UGGT1: variants seen among roughly 807,000 people sequenced by gnomAD.
UGGT1 encodes UDP-glucose glycoprotein glucosyltransferase 1, also known as UDP-glucose:glycoprotein glucosyltransferase 1.
In UGGT1, 107 loss-of-function variants were observed where a neutral mutation model predicts 203.9. That is an observed-to-expected ratio of 0.52 (90% CI 0.45 to 0.62). UGGT1 has a LOEUF of 0.62. Ranked by LOEUF, UGGT1 falls within the 20% of genes least tolerant of loss-of-function variation. The probability of loss-of-function intolerance (pLI) is 0.00; values close to 1 mark genes in which losing one functional copy is unlikely to be tolerated. For missense variants in UGGT1, 1,673 were observed against 1,867.2 expected, an observed-to-expected ratio of 0.90 and a Z score of 1.92; for synonymous variants, 628 against 653.5, an observed-to-expected ratio of 0.96 and a Z score of 0.59.
intron 2 of UGGT1, among the ~76,000 whole-genome samples, chr2:128,100,236 C>T (rs1687313946): frequency 6.6e-6 from 1 of 152,000 alleles, no homozygotes; most frequent in Non-Finnish European, 1.5e-5. Flanking sequence ...GGGGTTTTAC[C>T]ATGTTGGCCG....
chr2:128,092,605 C>CTTTCTT (rs371694344), intron 1 of UGGT1, among the ~76,000 whole-genome samples: 6 of 126,732 alleles, frequency 4.7e-5, no homozygotes, highest in East Asian at 2.2e-4. Flanking sequence ...TTCTTTCTTT[C>CTTTCTT]TTTTTTTTTT....
intron 37 of UGGT1, among the ~76,000 whole-genome samples, chr2:128,182,817 A>G (rs1691770089): frequency 6.8e-6 from 1 of 146,488 alleles, no homozygotes; most frequent in South Asian, 2.1e-4. Context: ...ATCCTTCCAG[A>G]TTTTCTTAAT....
intron 8 of UGGT1, among the ~76,000 whole-genome samples, chr2:128,117,362 A>G (rs1688156111): frequency 6.6e-6 from 1 of 152,188 alleles, no homozygotes; most frequent in South Asian, 2.1e-4. Flanking sequence ...AGTGCTGGGA[A>G]TACAGGCGTG....
intron 18 of UGGT1, chr2:128,151,398 C>G (rs1042776621): frequency 2.6e-6 from 1 of 385,204 alleles, no homozygotes; most frequent in Non-Finnish European, 4.9e-6. Context: ...CCAAATTCCC[C>G]TCCTTGAACT....
intron 9 of UGGT1, among the ~76,000 whole-genome samples, 188 bp from the exon 10 acceptor site, chr2:128,121,011 A>G (rs897016189): frequency 1.2e-4 from 18 of 152,198 alleles, no homozygotes; most frequent in African/African-American, 3.6e-4. Context: ...AAACGGCTCA[A>G]CTGAATACTC....
intron 26 of UGGT1, among the ~76,000 whole-genome samples, chr2:128,168,899 T>C (rs1050035594): frequency 2.0e-5 from 3 of 151,210 alleles, no homozygotes; most frequent in African/African-American, 7.3e-5. Flanking sequence ...ATACACAAAT[T>C]AGCTGGGCAT....
At chr2:128,183,866 G>A (rs1691834573) in intron 38 of UGGT1, 77 bp downstream of exon 38, 2 of 1,118,544 alleles carry the variant, frequency 1.8e-6, no homozygotes, top group Non-Finnish European at 2.7e-6. Flanking sequence ...TATTACTTGT[G>A]TCTTCAGTCC....
At chr2:128,165,613 C>T (rs929454067) in intron 26 of UGGT1, among the ~76,000 whole-genome samples, 1 of 152,164 alleles carries the variant, frequency 6.6e-6, no homozygotes, top group Non-Finnish European at 1.5e-5. Context: ...AGGAGAATCG[C>T]TTGAACCCAG....
intron 3 of UGGT1, 30 bp downstream of exon 3, chr2:128,104,044 T>C: frequency 1.3e-6 from 2 of 1,493,792 alleles, no homozygotes; most frequent in Non-Finnish European, 1.8e-6. Flanking sequence ...TTCTTTGACT[T>C]TGGTGTCTGG....
In UGGT1 at chr2:128,176,809, CA is replaced by C; in HGVS notation, c.3540-2del. 1 of 1,613,226 alleles carries C rather than the reference CA, an allele frequency of 6.2e-7. No individual in the cohort carries two copies. ...TGTAATATTGATCTTTCTTTTCTCGCAAAGCCACGATGGCACTGATTCTCCC... is the reference window on the plus strand; with the variant it reads ...TGTAATATTGATCTTTCTTTTCTCGCAAGCCACGATGGCACTGATTCTCCC... On this transcript the variant is annotated splice_polypyrimidine_tract_variant and splice_region_variant and intron_variant, in intron 31 of 40. Coordinates refer to ENST00000259253, the MANE Select transcript of UGGT1 (RefSeq NM_020120.4).
At position 128,176,815 on chromosome 2, in the gene UGGT1, C is replaced by G; in HGVS notation, c.3541C>G (p.His1181Asp). ...ATTGATCTTTCTTTTCTCGCAAAGCCACGATGGCACTGATTCTCCCCCTGA... is the reference window on the plus strand; with the variant it reads ...ATTGATCTTTCTTTTCTCGCAAAGCGACGATGGCACTGATTCTCCCCCTGA... ...RSEDIYRIYS[H>D]DGTDSPPDAD... Residue 1181 changes from histidine to aspartate, a missense_variant and splice_region_variant, in exon 32 of 41, where the codon CAC (histidine) becomes GAC (aspartate). By Grantham distance (81) the His-to-Asp change is moderately conservative. Around this residue, in one of 4 missense-constraint regions of UGGT1, gnomAD observed 513 missense variants for 684.1 expected, o/e 0.75. Transcript: ENST00000259253. 1 of 1,613,666 alleles carries G rather than the reference C, an allele frequency of 6.2e-7. No individual in the cohort carries two copies. The highest frequency in any genetic ancestry group is 8.5e-7 in the Non-Finnish European group (1 of 1,179,882).
At chr2:128,165,298 G>C (rs1690732742) in intron 26 of UGGT1, among the ~76,000 whole-genome samples, 1 of 152,164 alleles carries the variant, frequency 6.6e-6, no homozygotes, top group African/African-American at 2.4e-5. Flanking sequence ...GGTGGCATGT[G>C]CATGTTGTCC....
Position 128,091,346 on chromosome 2 carries a change from C to T in UGGT1, c.-12C>T. On this transcript the variant is annotated 5_prime_UTR_variant, in exon 1 of 41. Transcript: ENST00000259253. Reference sequence around the variant, plus strand: ...GTCTCTGGCACTGTGGCGGACTGACCACGGCCCGGGCATGGGCTGCAAGGG... The same window carrying T: ...GTCTCTGGCACTGTGGCGGACTGACTACGGCCCGGGCATGGGCTGCAAGGG... The T allele has an allele frequency of 3.2e-6, 5 of 1,555,772 alleles. No homozygotes were observed. Among genetic ancestry groups the T allele is most frequent in the Non-Finnish European group, 3.5e-6 (4 of 1,150,108 alleles).
intron 8 of UGGT1, 32 bp from the exon 9 acceptor site, chr2:128,120,324 A>T (rs771807298): frequency 1.0e-5 from 16 of 1,589,580 alleles, no homozygotes; most frequent in Non-Finnish European, 1.4e-5. Flanking sequence ...AGAAAAAATA[A>T]TGAAAAGGAC....
chr2:128,133,953 A>G (rs965990227), intron 14 of UGGT1, among the ~76,000 whole-genome samples: 14 of 152,094 alleles, frequency 9.2e-5, no homozygotes, highest in Non-Finnish European at 1.9e-4. Context: ...GGAAAGAGAT[A>G]GTGGTAGGGT....
At chr2:128,118,638 C>G (rs1034112565) in intron 8 of UGGT1, among the ~76,000 whole-genome samples, 2 of 152,154 alleles carry the variant, frequency 1.3e-5, no homozygotes, top group African/African-American at 4.8e-5. Flanking sequence ...GCATTCACAG[C>G]ACAAAGGTAT....
rs370296445 is a variant in UGGT1, at chr2:128,091,267, C to G, written c.-91C>G. On this transcript the variant is annotated 5_prime_UTR_variant, in exon 1 of 41. Transcript: ENST00000259253. Reference sequence around the variant, plus strand: ...GCGGGAAAGGCGCGTGTCGGCCTCTCACTGGCGCAGCCTGCACTGCCGCTG... The same window carrying G: ...GCGGGAAAGGCGCGTGTCGGCCTCTGACTGGCGCAGCCTGCACTGCCGCTG... The G allele has an allele frequency of 7.4e-7, 1 of 1,348,122 alleles. No homozygotes were observed. Among genetic ancestry groups the G allele is most frequent in the East Asian group, 2.9e-5 (1 of 34,666 alleles). 83.5% of individuals were successfully genotyped at this position (1,348,122 alleles called of 1,614,324 possible).
intron 33 of UGGT1, 56 bp from the exon 34 acceptor site, chr2:128,178,412 G>A (rs1691507265): frequency 7.1e-7 from 1 of 1,413,466 alleles, no homozygotes; most frequent in South Asian, 1.3e-5. Flanking sequence ...ACTTTCAAAG[G>A]CCGTGTGTCT....
chr2:128,111,980 A>G (rs571277554), intron 5 of UGGT1, among the ~76,000 whole-genome samples: 41 of 151,376 alleles, frequency 2.7e-4, no homozygotes, highest in South Asian at 2.1e-4. Flanking sequence ...TCTACAAAAT[A>G]TACAAAATTT....
Sources: gnomAD v4.1 joint callset for allele counts (sites outside exome capture counted in the v4.1 genomes callset) on GRCh38, gnomAD v4.1.1 for gene constraint, gnomAD v4.1.1 regional missense constraint, MANE v1.5 for transcripts, NCBI Gene and HGNC (gene_info 2026-07-23, HGNC 2026-07-21) for gene names.